CCHCR1: variants seen among roughly 807,000 people sequenced by gnomAD.
The protein encoded by CCHCR1 is coiled-coil alpha-helical rod protein 1, also known as HCR (a-helix coiled-coil rod homologue).
Under a neutral mutation model 114.6 loss-of-function variants are expected in CCHCR1, and 91 were observed. The ratio of observed to expected loss-of-function variants is 0.79; its 90% CI spans 0.67 to 0.94. CCHCR1 has a LOEUF of 0.94. CCHCR1 is among the 40% of genes least tolerant of loss of function. CCHCR1 has a pLI of 0.00. For missense variants in CCHCR1, 899 were observed against 1,079.9 expected (o/e 0.83, Z 2.35); for synonymous variants, 379 against 428.5 (o/e 0.88, Z 1.43).
Position 31,142,556 on chromosome 6 carries a change from G to C in CCHCR1, c.*36C>G, listed in dbSNP as rs901606186. 6.3e-7 allele frequency: 1 copy of C among 1,597,914 alleles called. No homozygotes were observed. Among genetic ancestry groups the C allele is most frequent in the Non-Finnish European group, 8.5e-7 (1 of 1,170,336 alleles). On this transcript the variant is annotated 3_prime_UTR_variant, in exon 18 of 18. Coordinates refer to ENST00000396268, the MANE Select transcript of CCHCR1 (RefSeq NM_001105564.2). ...CACCCACTTCTCCAGGATCCTCCCA[G>C]CCCCCAGGCTGGCTTTCCCTCCAAC...
Position 31,145,180 on chromosome 6 carries a change from C to T in CCHCR1, c.1862G>A (p.Arg621Gln), listed in dbSNP as rs776900219. The T allele has an allele frequency of 8.7e-6, 14 of 1,612,754 alleles. No homozygotes were observed. Among genetic ancestry groups the T allele is most frequent in the South Asian group, 3.3e-5 (3 of 91,088 alleles). Residue 621 changes from arginine (R) to glutamine (Q), a missense_variant, in exon 13 of 18, where the codon CGG (arginine) becomes CAG (glutamine). By Grantham distance (43) the Arg-to-Gln change is conservative (BLOSUM62 1). Coordinates refer to ENST00000396268, the MANE Select transcript of CCHCR1 (RefSeq NM_001105564.2). Reference protein sequence around the residue: ...SARLIQQEVGRAREQGEAERQ... With the variant: ...SARLIQQEVGQAREQGEAERQ... ...ACCAGGTGTACCTTGCTCCCGAGCCCGGCCCACCTCCTGCTGGATGAGGCG... is the reference window on the plus strand; with the variant it reads ...ACCAGGTGTACCTTGCTCCCGAGCCTGGCCCACCTCCTGCTGGATGAGGCG...
At chr6:31,148,183 T>C (rs1345245483) in intron 10 of CCHCR1, among the ~76,000 whole-genome samples, 2 of 152,080 alleles carry the variant, frequency 1.3e-5, no homozygotes, top group African/African-American at 2.4e-5. Context: ...CAGCCAAACA[T>C]GCAACGGGAA....
rs557546961 is a variant in CCHCR1, at chr6:31,144,012, T to A, written c.2168-599A>T. Among the ~76,000 whole-genome samples the A allele has an allele frequency of 7.9e-5, 12 of 152,168 alleles. No homozygotes were observed. The South Asian group carries it at 2.3e-3, about 29-fold the overall frequency. ...AGGCAGAGGTCACAGTGAGCCAAGA[T>A]CATGCCACTGCACTCCAGCTGGTGA... On this transcript the variant is annotated intron_variant, in intron 15 of 17. Transcript: ENST00000396268. The surrounding 1 kb of genome is among the most constrained non-coding windows in gnomAD (Gnocchi z 4.6).
chr6:31,143,347 C>G lies in CCHCR1; in HGVS notation c.2234G>C (p.Arg745Pro), dbSNP rs570019609. Reference sequence around the variant, plus strand: ...CTCCTTCCGGGCCTCCTCCTGCAGACGCCTGAGTTCCTGGCTCCGCTCCTT... The same window carrying G: ...CTCCTTCCGGGCCTCCTCCTGCAGAGGCCTGAGTTCCTGGCTCCGCTCCTT... ...QEKERSQELR[R>P]LQEEARKEEG... Residue 745 changes from arginine to proline, a missense_variant, in exon 16 of 18, where the codon CGT (arginine) becomes CCT (proline). By Grantham distance (103) the Arg-to-Pro change is moderately radical. Transcript: ENST00000396268. This position sits in a 1 kb window ranked among gnomAD's most constrained non-coding sequence, Gnocchi z 5.3. 6.2e-7 allele frequency: 1 copy of G among 1,612,974 alleles called. No homozygotes were observed. The highest frequency in any genetic ancestry group is 8.5e-7 in the Non-Finnish European group (1 of 1,180,042).
rs1432798793 is a variant in CCHCR1 at position 31,150,291 on chromosome 6, T to C, written c.1213-76A>G. On this transcript the variant is annotated intron_variant, in intron 7 of 17. Coordinates refer to ENST00000396268, the MANE Select transcript of CCHCR1 (RefSeq NM_001105564.2). This position sits in a 1 kb window ranked among gnomAD's most constrained non-coding sequence, Gnocchi z 5.3. ...AAGGAGGTGGCATCTTTGTTTCTCC[T>C]CTGTCCTGCCTGGGCAACATGAGCT... 6.5e-7 allele frequency: 1 copy of C among 1,526,738 alleles called. No individual in the cohort carries two copies. The highest frequency in any genetic ancestry group is 1.8e-5 in the Admixed American group (1 of 56,342). 94.6% of individuals were successfully genotyped at this position (1,526,738 alleles called of 1,614,324 possible). A position where few individuals can be genotyped will look rare whatever the true frequency, so the allele number is the denominator to read the frequency against.
rs551209794 is a variant in CCHCR1, at chr6:31,156,773, C to T, written c.455G>A (p.Arg152Gln). The change falls in exon 3 of 18, where the codon CGG (arginine) becomes CAG (glutamine). Residue 152 changes from arginine to glutamine, a missense_variant. Coordinates refer to ENST00000396268, the MANE Select transcript of CCHCR1 (RefSeq NM_001105564.2). ...TQRPQVTMWE[R>Q]DVSSDRQEPG... ...CTCCTGCCTGTCACTGGAAACATCC[C>T]GTTCCCACATGGTCACTTGAGGTCT... 19 of 1,612,814 alleles carry T rather than the reference C, an allele frequency of 1.2e-5. No individual in the cohort carries two copies. In the South Asian group the frequency reaches 1.3e-4, roughly 11 times the overall value.
At chr6:31,142,851 G>T in intron 17 of CCHCR1, 112 bp downstream of exon 17, 1 of 1,490,114 alleles carries the variant, frequency 6.7e-7, no homozygotes, top group Non-Finnish European at 9.1e-7. Context: ...GCTAAAAGAG[G>T]CTAAGGGCCT....
rs769186284 is a variant in CCHCR1 at position 31,157,530 on chromosome 6, G to A, written c.71C>T (p.Ala24Val). The change falls in exon 1 of 18, where the codon GCC becomes GTC. Residue 24 changes from alanine (A) to valine (V), a missense_variant. Coordinates refer to ENST00000396268, the MANE Select transcript of CCHCR1 (RefSeq NM_001105564.2). ...GGGAAGCCCATCCAGACACCAGCAGGCCATGACTCTTGGGTCCTTCCCTGT... is the reference window on the plus strand; with the variant it reads ...GGGAAGCCCATCCAGACACCAGCAGACCATGACTCTTGGGTCCTTCCCTGT... ...TLTGKDPRVM[A>V]CWCLDGLPSG... is the part of the protein sequence containing the mutation. 7.4e-6 allele frequency: 12 copies of A among 1,613,002 alleles called. No homozygotes were observed. Among genetic ancestry groups the A allele is most frequent in the Non-Finnish European group, 1.0e-5 (12 of 1,180,008 alleles).
At position 31,148,671 on chromosome 6, in the gene CCHCR1, G is replaced by A. The variant is rs767157475; in HGVS notation, c.1420C>T (p.Arg474Ter). The A allele has an allele frequency of 8.1e-6, 13 of 1,612,592 alleles. No homozygotes were observed. Among genetic ancestry groups the A allele is most frequent in the Non-Finnish European group, 1.1e-5 (13 of 1,179,714 alleles). Residue 474 changes from arginine to a stop codon, truncating the protein, a stop_gained, in exon 9 of 18, where the codon CGA (arginine) becomes TGA (stop). Transcript: ENST00000396268. LOFTEE classifies it high-confidence loss of function. ...SQSQEQAILQRSLQDKAAEVE... is the reference protein window; with the variant it reads ...SQSQEQAILQ ...TCTGCGGCTTTGTCCTGCAGGGATCGCTGCAGGATGGCCTGCTCCTGGCTC... is the reference window on the plus strand; with the variant it reads ...TCTGCGGCTTTGTCCTGCAGGGATCACTGCAGGATGGCCTGCTCCTGGCTC...
Position 31,150,762 on chromosome 6 carries a change from C to T in CCHCR1, c.1064G>A (p.Trp355Ter). 6.2e-7 allele frequency: 1 copy of T among 1,613,062 alleles called. No homozygotes were observed. The highest frequency in any genetic ancestry group is 1.1e-5 in the South Asian group (1 of 91,080). ...CAGAAGCTTCTGTCGCTCCAGTTCC[C>T]ATGTCTGGCTGTGGACCTCAGAAGG... Reference protein sequence around the residue: ...QVPSEVHSQTWELERQKLLET... With the variant: ...QVPSEVHSQT Residue 355 changes from tryptophan to a stop codon, truncating the protein, a stop_gained, in exon 6 of 18, where the codon TGG (tryptophan) becomes TAG (stop). Coordinates refer to ENST00000396268, the MANE Select transcript of CCHCR1 (RefSeq NM_001105564.2). LOFTEE classifies it high-confidence loss of function. This position sits in a 1 kb window ranked among gnomAD's most constrained non-coding sequence, Gnocchi z 5.3.
chr6:31,155,709 C>CA (rs1314757866), intron 3 of CCHCR1, among the ~76,000 whole-genome samples: 1 of 152,084 alleles, frequency 6.6e-6, no homozygotes, highest in Non-Finnish European at 1.5e-5. Context: ...CTACCAATGT[C>CA]ACGTGAAGTT....
intron 10 of CCHCR1, among the ~76,000 whole-genome samples, chr6:31,147,502 T>TA (rs147398416): frequency 0.066 from 10,090 of 151,942 alleles, 484 homozygotes; most frequent in African/African-American, 0.14. Flanking sequence ...GCTGTTTTCT[T>TA]AGAGGTTTTT....
rs1286428899 is a variant in CCHCR1, at chr6:31,157,761, T to C, written c.-161A>G. The C allele has an allele frequency of 1.1e-5, 7 of 619,802 alleles. No individual in the cohort carries two copies. The highest frequency in any genetic ancestry group is 2.9e-5 in the Admixed American group (1 of 34,688). 38.4% of individuals were successfully genotyped at this position (619,802 alleles called of 1,614,324 possible). ...TTCCATGCCTGCTGCCCGCCTCCTC[T>C]TTCTCGAGTCCTAACACATAGTGGG... On this transcript the variant is annotated 5_prime_UTR_variant, in exon 1 of 18. Coordinates refer to ENST00000396268, the MANE Select transcript of CCHCR1 (RefSeq NM_001105564.2).
chr6:31,157,456 G>A lies in CCHCR1; in HGVS notation c.145C>T (p.Pro49Ser). ...WRELWRWRSRPLHCVPPFSPL... is the reference protein window; with the variant it reads ...WRELWRWRSRSLHCVPPFSPL... Reference sequence around the variant, plus strand: ...GAGAAAGGAGGTACACAGTGCAGGGGTCTTGAGCGCCATCTCCAGAGTTCT... The same window carrying A: ...GAGAAAGGAGGTACACAGTGCAGGGATCTTGAGCGCCATCTCCAGAGTTCT... Residue 49 changes from proline to serine, a missense_variant, in exon 1 of 18, where the codon CCC becomes TCC. By Grantham distance (74) the Pro-to-Ser change is moderately conservative. Coordinates refer to ENST00000396268, the MANE Select transcript of CCHCR1 (RefSeq NM_001105564.2). 1 of 1,613,056 alleles carries A rather than the reference G, an allele frequency of 6.2e-7. No individual in the cohort carries two copies. Among genetic ancestry groups the A allele is most frequent in the Non-Finnish European group, 8.5e-7 (1 of 1,180,030 alleles).
At chr6:31,155,078 G>C (rs1214729639) in intron 3 of CCHCR1, among the ~76,000 whole-genome samples, 1 of 152,086 alleles carries the variant, frequency 6.6e-6, no homozygotes, top group Non-Finnish European at 1.5e-5. Flanking sequence ...ACATACAGGA[G>C]GATTCAACAT....
intron 4 of CCHCR1, among the ~76,000 whole-genome samples, chr6:31,153,051 C>T (rs971537585): frequency 2.0e-5 from 3 of 152,000 alleles, no homozygotes; most frequent in African/African-American, 4.8e-5. Flanking sequence ...GATGTCAGCT[C>T]ACTGTAACCT....
Position 31,157,029 on chromosome 6 carries a change from G to T in CCHCR1, c.277C>A (p.Pro93Thr). ...EPSNNVEMFP[P>T]SGSTGLIPPS... is the part of the protein sequence containing the mutation. Reference sequence around the variant, plus strand: ...CTTGTCTGGTCCCACTGACCTGAAGGTGGAAACATCTCCACATTATTTGAA... The same window carrying T: ...CTTGTCTGGTCCCACTGACCTGAAGTTGGAAACATCTCCACATTATTTGAA... Residue 93 changes from proline (P) to threonine (T), a missense_variant, in exon 2 of 18, where the codon CCT becomes ACT. Coordinates refer to ENST00000396268, the MANE Select transcript of CCHCR1 (RefSeq NM_001105564.2). The T allele has an allele frequency of 6.2e-7, 1 of 1,612,314 alleles. No individual in the cohort carries two copies. The highest frequency in any genetic ancestry group is 1.1e-5 in the South Asian group (1 of 91,050).
At chr6:31,142,840 C>T (rs1773730895) in intron 17 of CCHCR1, 123 bp downstream of exon 17, 18 of 1,494,178 alleles carry the variant, frequency 1.2e-5, no homozygotes, top group South Asian at 2.5e-5. Context: ...AGCTGGGCAT[C>T]GCTAAAAGAG....
At position 31,145,721 on chromosome 6, in the gene CCHCR1, A is replaced by C. The variant is rs751077039; in HGVS notation, c.1668T>G (p.Ala556=). ...LPSLNNRLSY[A]VRKVHTIRGL... ...CCCGAATGGTGTGGACCTTGCGGAC[A>C]GCATAGCTGAGTCGGTTGTTGAGGC... The change falls in exon 11 of 18, where the codon GCT becomes GCG. Residue 556 remains alanine, a synonymous_variant. Transcript: ENST00000396268. The C allele has an allele frequency of 6.2e-7, 1 of 1,613,790 alleles. No homozygotes were observed. Among genetic ancestry groups the C allele is most frequent in the Middle Eastern group, 1.6e-4 (1 of 6,062 alleles).
Sources: gnomAD v4.1 joint callset for allele counts (sites outside exome capture counted in the v4.1 genomes callset) on GRCh38, gnomAD v4.1.1 for gene constraint, Gnocchi (gnomAD v3.1) non-coding constraint, MANE v1.5 for transcripts, NCBI Gene and HGNC (gene_info 2026-07-23, HGNC 2026-07-21) for gene names.